The following CTNND2 variants were observed in gnomAD, a reference collection of about 807,000 sequenced individuals.
CTNND2 encodes catenin delta 2.
In CTNND2, 22 loss-of-function variants were observed where a neutral mutation model predicts 144.4. The ratio of observed to expected loss-of-function variants is 0.15; its 90% confidence interval spans 0.11 to 0.22. The LOEUF is 0.22. Among genes scored for constraint, CTNND2 ranks in the 10% least tolerant of loss-of-function variants. The pLI is 1.00. For missense variants in CTNND2, 1,353 were observed against 1,618.8 expected, an observed-to-expected ratio of 0.84 and a Z score of 2.82; for synonymous variants, 751 against 695.6, an observed-to-expected ratio of 1.08 and a Z score of -1.25.
In CTNND2 at chr5:11,543,632, C is replaced by T. The variant is rs1334587746; in HGVS notation, c.287+21312G>A. ...GCATATACATTATATATCAGTAACG[C>T]TGTTTTTTTTTTTTTTTAAACCTAC... On this transcript the variant is annotated intron_variant, in intron 3 of 21. Coordinates refer to ENST00000304623, the MANE Select transcript of CTNND2 (RefSeq NM_001332.4). Among the ~76,000 whole-genome samples, 7 of 47,372 alleles carry T rather than the reference C, an allele frequency of 1.5e-4. No homozygotes were observed. The East Asian group carries it at 4.9e-3, about 33-fold the overall frequency. 31.1% of individuals were successfully genotyped at this position (47,372 alleles called of 152,430 possible).
intron 2 of CTNND2, among the ~76,000 whole-genome samples, chr5:11,679,829 A>T (rs1784345656): frequency 6.6e-6 from 1 of 152,162 alleles, no homozygotes. Context: ...CTGAGGAATG[A>T]CAACAACCAG....
chr5:11,172,914 G>A (rs1247650515), intron 11 of CTNND2, among the ~76,000 whole-genome samples: 1 of 152,238 alleles, frequency 6.6e-6, no homozygotes, highest in Non-Finnish European at 1.5e-5. Context: ...CTATACAGTG[G>A]AAGTGAGGAC....
intron 9 of CTNND2, among the ~76,000 whole-genome samples, chr5:11,306,584 CA>C (rs1055315741): frequency 6.6e-6 from 1 of 152,132 alleles, no homozygotes. Flanking sequence ...GCCTTGGAAA[CA>C]AAAAGACTTT....
chr5:11,318,805 A>C (rs1751753145), intron 9 of CTNND2, among the ~76,000 whole-genome samples: 1 of 152,046 alleles, frequency 6.6e-6, no homozygotes, highest in African/African-American at 2.4e-5. Flanking sequence ...CATGCTGTAA[A>C]AGCTCTTATC....
intron 8 of CTNND2, among the ~76,000 whole-genome samples, chr5:11,355,468 T>C (rs1208055978): frequency 6.6e-6 from 1 of 151,952 alleles, no homozygotes; most frequent in Non-Finnish European, 1.5e-5. Context: ...CATCCCTGCA[T>C]GATAAAACAA....
intron 10 of CTNND2, among the ~76,000 whole-genome samples, chr5:11,233,716 CTGTGTGTGTGTGTGTGTG>C (rs3033106): frequency 1.3e-5 from 2 of 148,236 alleles, no homozygotes; most frequent in African/African-American, 5.0e-5. Flanking sequence ...GTTTACGTGT[CTGTGTGTGTGTGTGTGTG>C]TGTGTGTGTG....
intron 9 of CTNND2, among the ~76,000 whole-genome samples, chr5:11,336,388 A>G (rs1452882393): frequency 6.6e-6 from 1 of 152,202 alleles, no homozygotes; most frequent in Non-Finnish European, 1.5e-5. Flanking sequence ...TAAACACACA[A>G]CCAGAATGGG....
At chr5:11,470,836 TG>T (rs1321475817) in intron 3 of CTNND2, among the ~76,000 whole-genome samples, 1 of 151,590 alleles carries the variant, frequency 6.6e-6, no homozygotes, top group East Asian at 1.9e-4. Flanking sequence ...TGATAGGATT[TG>T]GAGAGGAAGA....
intron 2 of CTNND2, among the ~76,000 whole-genome samples, chr5:11,637,742 GT>G (rs1203282036): frequency 6.6e-6 from 1 of 152,006 alleles, no homozygotes; most frequent in African/African-American, 2.4e-5. Context: ...ATACATTTAT[GT>G]TTTTTAAATT....
intron 1 of CTNND2, among the ~76,000 whole-genome samples, chr5:11,743,158 C>T (rs1788111442): frequency 1.3e-5 from 2 of 152,178 alleles, no homozygotes; most frequent in South Asian, 4.1e-4. Context: ...TTTCCCACAG[C>T]TAACTCAGTA....
At chr5:11,854,183 T>C (rs1338064419) in intron 1 of CTNND2, among the ~76,000 whole-genome samples, 1 of 152,198 alleles carries the variant, frequency 6.6e-6, no homozygotes, top group African/African-American at 2.4e-5. Flanking sequence ...CCTGGACCCG[T>C]CTTTTCAAAG....
intron 2 of CTNND2, among the ~76,000 whole-genome samples, chr5:11,598,177 T>C (rs539759628): frequency 1.4e-4 from 22 of 152,312 alleles, no homozygotes; most frequent in African/African-American, 5.3e-4. Flanking sequence ...CATGTTTGTG[T>C]TCTTAACCAC....
At chr5:11,443,253 CTGTGTGTGG>C (rs1480809812) in intron 3 of CTNND2, among the ~76,000 whole-genome samples, 1 of 65,578 alleles carries the variant, frequency 1.5e-5, no homozygotes, top group African/African-American at 6.1e-5. Context: ...TGTGTGTGTG[CTGTGTGTGG>C]TGTGTGTGTG....
At chr5:11,515,814 A>C (rs1012533029) in intron 3 of CTNND2, among the ~76,000 whole-genome samples, 1 of 152,216 alleles carries the variant, frequency 6.6e-6, no homozygotes, top group African/African-American at 2.4e-5. Flanking sequence ...GCTAATGAAA[A>C]ATTTGTTAAT....
chr5:11,816,436 A>G (rs903764500), intron 1 of CTNND2, among the ~76,000 whole-genome samples: 1 of 151,546 alleles, frequency 6.6e-6, no homozygotes, highest in African/African-American at 2.4e-5. Flanking sequence ...TGACCATGCA[A>G]ACAACATGCA....
chr5:11,046,935 A>C (rs1010294352), intron 16 of CTNND2, among the ~76,000 whole-genome samples: 1 of 152,224 alleles, frequency 6.6e-6, no homozygotes, highest in African/African-American at 2.4e-5. Flanking sequence ...GCTCAAGACC[A>C]ATTTCTCTAG....
In CTNND2 at chr5:11,452,793, T is replaced by C. The variant is rs192764168; in HGVS notation, c.288-40724A>G. Reference sequence around the variant, plus strand: ...AACTTTTGATGTAGTTCATTTAAAATTGAAGAATTTTGAAATTTGAAATAC... The same window carrying C: ...AACTTTTGATGTAGTTCATTTAAAACTGAAGAATTTTGAAATTTGAAATAC... On this transcript the variant is annotated intron_variant, in intron 3 of 21. Transcript: ENST00000304623. 6.6e-5 allele frequency among the ~76,000 whole-genome samples: 10 copies of C among 152,342 alleles called. No homozygotes were observed. In the East Asian group the frequency reaches 1.9e-3, roughly 29 times the overall value.
intron 2 of CTNND2, among the ~76,000 whole-genome samples, chr5:11,673,179 C>T (rs911701380): frequency 1.3e-5 from 2 of 152,126 alleles, no homozygotes; most frequent in African/African-American, 4.8e-5. Context: ...ACATCACTCT[C>T]AAATCTTTCA....
At chr5:11,186,633 T>C (rs150045476) in intron 11 of CTNND2, among the ~76,000 whole-genome samples, 1 of 152,332 alleles carries the variant, frequency 6.6e-6, no homozygotes, top group Non-Finnish European at 1.5e-5. Flanking sequence ...ACTGTAATTG[T>C]TGGTCCTGTT....
Sources: allele counts gnomAD v4.1 joint callset (sites outside exome capture counted in the v4.1 genomes callset), GRCh38; gene constraint gnomAD v4.1.1; transcripts MANE v1.5; gene names NCBI Gene and HGNC (gene_info 2026-07-23, HGNC 2026-07-21).